The following DYNC2LI1 variants were observed in gnomAD, a reference collection of about 807,000 sequenced individuals.
DYNC2LI1 encodes the protein dynein cytoplasmic 2 light intermediate chain 1, also known as cytoplasmic dynein 2 light intermediate chain 1.
DYNC2LI1 carries 45 observed loss-of-function variants against 51.9 expected under a neutral mutation model. The observed-to-expected ratio is 0.87, with a 90% confidence interval of 0.68 to 1.11. DYNC2LI1 has a LOEUF of 1.11. Ranked by LOEUF, DYNC2LI1 falls within the 50% of genes most tolerant of loss-of-function variation. The pLI is 0.00. For missense variants in DYNC2LI1, 490 were observed against 417.4 expected (o/e 1.17, Z -1.51); for synonymous variants, 130 against 137.8 (o/e 0.94, Z 0.40).
the DYNC2LI1 span, chr2:43,827,935 C>G: frequency 6.2e-7 from 1 of 1,611,450 alleles, no homozygotes; most frequent in Non-Finnish European, 8.5e-7. Flanking sequence ...TGCACACACA[C>G]AGAAGATGCC....
the DYNC2LI1 span, chr2:43,822,928 C>T: frequency 5.6e-6 from 9 of 1,613,918 alleles, no homozygotes; most frequent in Non-Finnish European, 6.8e-6. Flanking sequence ...CAGCTCGCAG[C>T]ACGGGAACTG....
In DYNC2LI1 at chr2:43,774,081, A is replaced by T. The variant is rs898105235; in HGVS notation, c.-58A>T. ...GACTCCTTGCGGAGCTCGCCGCCTG[A>T]TTCTAGGCTGGTCACTACTCCGAGC... is the stretch of plus-strand genomic sequence containing the variant. On this transcript the variant is annotated 5_prime_UTR_variant, in exon 1 of 13. Transcript: ENST00000260605. 2 of 1,610,844 alleles carry T rather than the reference A, an allele frequency of 1.2e-6. No homozygotes were observed. Among genetic ancestry groups the T allele is most frequent in the Non-Finnish European group, 8.5e-7 (1 of 1,178,698 alleles).
chr2:43,784,112 A>G (rs1673411246), intron 3 of DYNC2LI1, among the ~76,000 whole-genome samples: 1 of 151,776 alleles, frequency 6.6e-6, no homozygotes, highest in African/African-American at 2.4e-5. Context: ...ATTTGAATAC[A>G]TATATCTTAT....
intron 4 of DYNC2LI1, among the ~76,000 whole-genome samples, chr2:43,787,936 A>G (rs1673600417): frequency 6.6e-6 from 1 of 152,204 alleles, no homozygotes; most frequent in Admixed American, 6.5e-5. Context: ...TTTCCTCATT[A>G]GACAGTGTAT....
intron 12 of DYNC2LI1, among the ~76,000 whole-genome samples, chr2:43,809,183 G>A (rs1013195640): frequency 6.6e-6 from 1 of 151,990 alleles, no homozygotes; most frequent in Admixed American, 6.6e-5. Context: ...GTAGAGACAC[G>A]GTCTCCCTAT....
chr2:43,819,787 G>C, the DYNC2LI1 span: 1 of 993,232 alleles, frequency 1.0e-6, no homozygotes, highest in Non-Finnish European at 1.6e-6. Context: ...CAGTATAAAT[G>C]CTCTAGACTA....
chr2:43,812,736 A>C (rs2278356), downstream of DYNC2LI1: 82,083 of 197,730 alleles, frequency 0.42, 19,353 homozygotes, highest in African/African-American at 0.66. Context: ...TCCTTGAAAC[A>C]TTTTATTTTT....
At chr2:43,780,582 G>A (rs868065765) in intron 2 of DYNC2LI1, among the ~76,000 whole-genome samples, 1 of 152,148 alleles carries the variant, frequency 6.6e-6, no homozygotes, top group Non-Finnish European at 1.5e-5. Context: ...CAGAGGAAGG[G>A]GTTCAGGGTA....
the DYNC2LI1 span, among the ~76,000 whole-genome samples, chr2:43,819,529 A>G: frequency 6.6e-6 from 1 of 151,888 alleles, no homozygotes; most frequent in Admixed American, 6.6e-5. Context: ...ATAACTGGGA[A>G]TTGAGAACTG....
chr2:43,779,755 T>A (rs560507240), intron 2 of DYNC2LI1, among the ~76,000 whole-genome samples: 74 of 152,292 alleles, frequency 4.9e-4, no homozygotes, highest in African/African-American at 1.7e-3. Context: ...GAAACAGATA[T>A]TCCAACAAAT....
chr2:43,826,163 T>TTTC, the DYNC2LI1 span, among the ~76,000 whole-genome samples: 8 of 150,856 alleles, frequency 5.3e-5, no homozygotes, highest in African/African-American at 1.7e-4. Flanking sequence ...TCTTTCTTTC[T>TTTC]TTCTTTTTTT....
intron 10 of DYNC2LI1, among the ~76,000 whole-genome samples, chr2:43,802,126 A>G (rs576751105): frequency 6.2e-4 from 94 of 152,292 alleles, no homozygotes; most frequent in African/African-American, 2.0e-3. Flanking sequence ...ACCAAAAAGA[A>G]CACAGTTGTA....
chr2:43,789,497 A>C (rs1673679677), intron 4 of DYNC2LI1, 136 bp from the exon 5 acceptor site: 1 of 648,114 alleles, frequency 1.5e-6, no homozygotes, highest in Non-Finnish European at 2.6e-6. Context: ...GGATGGGATA[A>C]AGGAAAAAAT....
At chr2:43,798,441 C>T (rs1033289976) in intron 8 of DYNC2LI1, among the ~76,000 whole-genome samples, 3 of 145,326 alleles carry the variant, frequency 2.1e-5, no homozygotes, top group South Asian at 4.2e-4. Context: ...GTGAATGGCT[C>T]ATCGAGGGTA....
Position 43,789,548 on chromosome 2 carries a change from T to A in DYNC2LI1, c.232-85T>A, listed in dbSNP as rs1294271361. The A allele has an allele frequency of 3.5e-6, 4 of 1,157,258 alleles. No individual in the cohort carries two copies. The East Asian group carries it at 9.7e-5, about 28-fold the overall frequency. 71.7% of individuals were successfully genotyped at this position (1,157,258 alleles called of 1,614,324 possible). The stretch of plus-strand genomic sequence containing the variant: ...AGGGTTGATTAAGGACTGCAATATT[T>A]TGTATGTATAATTATTACTGGGAAG... On this transcript the variant is annotated intron_variant, in intron 4 of 12. Transcript: ENST00000260605.
At position 43,803,319 on chromosome 2, in the gene DYNC2LI1, C is replaced by A. The variant is rs570303470; in HGVS notation, c.803-1323C>A. On this transcript the variant is annotated intron_variant, in intron 10 of 12. Coordinates refer to ENST00000260605, the MANE Select transcript of DYNC2LI1 (RefSeq NM_016008.4). ...ACTAAACAACTGTGGTACATCTGTA[C>A]CAGGAAACACTACTCAGTCATACAA... Among the ~76,000 whole-genome samples the A allele has an allele frequency of 2.6e-5, 4 of 152,154 alleles. No homozygotes were observed. The South Asian group carries it at 6.2e-4, about 24-fold the overall frequency.
Position 43,795,966 on chromosome 2 carries a change from C to T in DYNC2LI1, c.576+8C>T, listed in dbSNP as rs1156885033. ...AAATATGATGTTTTTCAGGTAAGCT[C>T]TTCCGCTTCTAGCTGAGTTTGTTGT... On this transcript the variant is annotated splice_region_variant and intron_variant, in intron 7 of 12. Transcript: ENST00000260605. 1.9e-6 allele frequency: 3 copies of T among 1,608,644 alleles called. No individual in the cohort carries two copies. The highest frequency in any genetic ancestry group is 1.7e-5 in the Admixed American group (1 of 59,908).
intron 2 of DYNC2LI1, 43 bp downstream of exon 2, chr2:43,776,942 C>T: frequency 9.8e-7 from 1 of 1,020,944 alleles, no homozygotes; most frequent in Non-Finnish European, 1.5e-6. Context: ...ATTTAACAAC[C>T]ATTGGTAAAA....
chr2:43,799,291 G>A (rs1020617900), intron 8 of DYNC2LI1, among the ~76,000 whole-genome samples: 1 of 152,114 alleles, frequency 6.6e-6, no homozygotes, highest in African/African-American at 2.4e-5. Flanking sequence ...AGCAGAGCGA[G>A]ACCCCATCTC....
Sources: gnomAD v4.1 joint callset for allele counts (sites outside exome capture counted in the v4.1 genomes callset) on GRCh38, gnomAD v4.1.1 for gene constraint, MANE v1.5 for transcripts, NCBI Gene and HGNC (gene_info 2026-07-23, HGNC 2026-07-21) for gene names.